CUL1: variants seen among roughly 807,000 people sequenced by gnomAD.
The protein encoded by CUL1 is cullin 1.
In CUL1, 24 loss-of-function variants were observed where a neutral mutation model predicts 118.0. The observed-to-expected ratio is 0.20, with a 90% CI of 0.15 to 0.29. The LOEUF is 0.29. CUL1 is among the 10% of genes least tolerant of loss of function. The probability of loss-of-function intolerance (pLI) is 1.00; values close to 1 mark genes in which losing one functional copy is unlikely to be tolerated. For synonymous variants in CUL1, 332 were observed against 340.4 expected (o/e 0.98, Z 0.27); for missense variants, 361 against 933.8 (o/e 0.39, Z 7.99).
intron 1 of CUL1, among the ~76,000 whole-genome samples, chr7:148,710,186 A>G (rs981201486): frequency 1.3e-5 from 2 of 152,176 alleles, no homozygotes; most frequent in African/African-American, 4.8e-5. Context: ...TTAGGGTGAC[A>G]AATAAATACA....
intron 1 of CUL1, among the ~76,000 whole-genome samples, chr7:148,723,107 A>G (rs1450814956): frequency 6.6e-6 from 1 of 152,244 alleles, no homozygotes; most frequent in African/African-American, 2.4e-5. Context: ...AGAACTTACA[A>G]GGTCACACAG....
chr7:148,787,175 C>T lies in CUL1; in HGVS notation c.1479+55C>T, dbSNP rs1800842451. On this transcript the variant is annotated intron_variant, in intron 13 of 21. Transcript: ENST00000325222. The surrounding 1 kb of genome is among the most constrained non-coding windows in gnomAD (Gnocchi z 5.5). ...AGCTTCTGAGTCATTATTAAAACAG[C>T]TCTATGGCCGAGCGCGGTGGCTCAT... 4 of 1,588,436 alleles carry T rather than the reference C, an allele frequency of 2.5e-6. No individual in the cohort carries two copies. The highest frequency in any genetic ancestry group is 3.4e-5 in the Admixed American group (2 of 58,308).
In CUL1 at chr7:148,730,197, A is replaced by G. The variant is rs1279361140; in HGVS notation, c.75A>G (p.Arg25=). Residue 25 remains arginine, a synonymous_variant, in exon 2 of 22, where the codon AGA becomes AGG. Transcript: ENST00000325222. Reference sequence around the variant, plus strand: ...TGGACCAGATCTGGGACGACCTCAGAGCCGGCATCCAGCAGGTGTACACAC... The same window carrying G: ...TGGACCAGATCTGGGACGACCTCAGGGCCGGCATCCAGCAGGTGTACACAC... ...IGLDQIWDDL[R]AGIQQVYTRQ... 3.1e-6 allele frequency: 5 copies of G among 1,614,122 alleles called. No individual in the cohort carries two copies. The highest frequency in any genetic ancestry group is 4.2e-6 in the Non-Finnish European group (5 of 1,180,028).
At chr7:148,775,094 A>G (rs1584807818) in intron 9 of CUL1, among the ~76,000 whole-genome samples, 1 of 152,252 alleles carries the variant, frequency 6.6e-6, no homozygotes, top group South Asian at 2.1e-4. Flanking sequence ...AAGCCCAGTC[A>G]TGTGTGAACT....
chr7:148,756,155 G>A (rs972028060), intron 3 of CUL1, among the ~76,000 whole-genome samples: 7 of 151,988 alleles, frequency 4.6e-5, no homozygotes, highest in East Asian at 1.9e-4. Context: ...AATAATTTTC[G>A]TAAATGCACA....
chr7:148,721,773 A>G (rs2129459321), intron 1 of CUL1, among the ~76,000 whole-genome samples: 1 of 152,038 alleles, frequency 6.6e-6, no homozygotes, highest in East Asian at 1.9e-4. Context: ...TGAAGCGTGT[A>G]GCTGAAGTTG....
At chr7:148,757,305 TA>T in intron 4 of CUL1, among the ~76,000 whole-genome samples, 155 bp downstream of exon 4, 1 of 152,368 alleles carries the variant, frequency 6.6e-6, no homozygotes, top group Middle Eastern at 3.4e-3. Flanking sequence ...GTCACTTAAA[TA>T]TTTTTTAGCA....
At chr7:148,766,840 A>T in intron 8 of CUL1, 117 bp downstream of exon 8, 2 of 902,876 alleles carry the variant, frequency 2.2e-6, no homozygotes, top group Non-Finnish European at 3.3e-6. Flanking sequence ...TTTTAAAAAG[A>T]TGCATGTGTT....
rs1174562151 is a variant in CUL1, at chr7:148,730,113, A to C, written c.-10A>C. 6.2e-7 allele frequency: 1 copy of C among 1,611,626 alleles called. No homozygotes were observed. Among genetic ancestry groups the C allele is most frequent in the Admixed American group, 1.7e-5 (1 of 59,478 alleles). On this transcript the variant is annotated 5_prime_UTR_variant, in exon 2 of 22. Coordinates refer to ENST00000325222, the MANE Select transcript of CUL1 (RefSeq NM_003592.3). ...TTGCTGCACTGGACGACTTTAGAAC[A>C]TCCCTCACAATGTCGTCAACCCGGA... is the stretch of plus-strand genomic sequence containing the variant.
chr7:148,750,291 G>T (rs1799444017), intron 2 of CUL1, among the ~76,000 whole-genome samples: 1 of 135,364 alleles, frequency 7.4e-6, no homozygotes, highest in East Asian at 2.0e-4. Flanking sequence ...ATGCCACCTA[G>T]GACTTTTTTT....
intron 9 of CUL1, among the ~76,000 whole-genome samples, chr7:148,780,314 G>A (rs543340113): frequency 5.3e-5 from 8 of 152,280 alleles, no homozygotes; most frequent in Admixed American, 2.0e-4. Flanking sequence ...TTTGTGTTTC[G>A]ATATTTGTTA....
At chr7:148,768,635 T>G (rs1201633656) in intron 9 of CUL1, among the ~76,000 whole-genome samples, 1 of 152,138 alleles carries the variant, frequency 6.6e-6, no homozygotes, top group African/African-American at 2.4e-5. Flanking sequence ...TTCGCCCGCC[T>G]TGGCCTCCCA....
chr7:148,768,573 CAG>C (rs1216796490), intron 9 of CUL1, among the ~76,000 whole-genome samples: 2 of 151,782 alleles, frequency 1.3e-5, no homozygotes, highest in Non-Finnish European at 2.9e-5. Flanking sequence ...TTAGTAGAGA[CAG>C]GGTTTCGCTG....
At chr7:148,778,490 T>C (rs1346525138) in intron 9 of CUL1, among the ~76,000 whole-genome samples, 1 of 152,120 alleles carries the variant, frequency 6.6e-6, no homozygotes, top group African/African-American at 2.4e-5. Context: ...TGCTTCTCTG[T>C]GTTTTGCATG....
intron 12 of CUL1, 51 bp downstream of exon 12, chr7:148,786,650 CTGTT>C (rs1800825444): frequency 6.8e-7 from 1 of 1,472,746 alleles, no homozygotes; most frequent in African/African-American, 1.4e-5. Flanking sequence ...ATTTCACAAG[CTGTT>C]TGTAATGTTA....
intron 19 of CUL1, 65 bp downstream of exon 19, chr7:148,798,084 G>T: frequency 2.1e-6 from 2 of 935,838 alleles, no homozygotes; most frequent in South Asian, 1.5e-5. Context: ...GCCCTAGCAC[G>T]GATCTCAGTA....
chr7:148,789,302 G>A (rs1800930136), intron 14 of CUL1, among the ~76,000 whole-genome samples: 1 of 152,134 alleles, frequency 6.6e-6, no homozygotes, highest in African/African-American at 2.4e-5. Context: ...ATAATTTATA[G>A]ACCATGTGTG....
intron 11 of CUL1, 146 bp downstream of exon 11, chr7:148,784,223 G>A (rs1218574768): frequency 1.6e-5 from 11 of 681,216 alleles, no homozygotes; most frequent in Non-Finnish European, 2.5e-5. Flanking sequence ...AATCGTCCTT[G>A]CCGTTGAAAA....
At chr7:148,748,718 G>GC (rs909636554) in intron 2 of CUL1, among the ~76,000 whole-genome samples, 19 of 151,950 alleles carry the variant, frequency 1.3e-4, no homozygotes, top group African/African-American at 3.1e-4. Context: ...TGAAATAATG[G>GC]CCCCCCCGTT....
Sources: gnomAD v4.1 joint callset for allele counts (sites outside exome capture counted in the v4.1 genomes callset) on GRCh38, gnomAD v4.1.1 for gene constraint, Gnocchi (gnomAD v3.1) non-coding constraint, MANE v1.5 for transcripts, NCBI Gene and HGNC (gene_info 2026-07-23, HGNC 2026-07-21) for gene names.